The following NCKAP5 variants were observed in gnomAD, a reference collection of about 807,000 sequenced individuals.
The protein encoded by NCKAP5 is NCK associated protein 5, also known as nck-associated protein 5.
Under a neutral mutation model 167.0 loss-of-function variants are expected in NCKAP5, and 92 were observed. The ratio of observed to expected loss-of-function variants is 0.55; its 90% CI spans 0.47 to 0.66. The LOEUF (loss-of-function observed/expected upper bound fraction) is 0.66. NCKAP5 is among the 30% of genes least tolerant of loss of function. The pLI is 0.00. For missense variants in NCKAP5, 2,378 were observed against 2,315.0 expected (o/e 1.03, Z -0.56); for synonymous variants, 891 against 877.4 (o/e 1.02, Z -0.27).
At chr2:133,576,328 A>G in the NCKAP5 span, among the ~76,000 whole-genome samples, 1 of 152,242 alleles carries the variant, frequency 6.6e-6, no homozygotes, top group Non-Finnish European at 1.5e-5. Context: ...TGAAAAATAC[A>G]TGGGGTGTTC....
At chr2:133,530,723 G>C (rs1050891761) in intron 2 of NCKAP5, among the ~76,000 whole-genome samples, 1 of 152,124 alleles carries the variant, frequency 6.6e-6, no homozygotes, top group Non-Finnish European at 1.5e-5. Context: ...ATAGAATGTG[G>C]CAAAAGGGAA....
chr2:133,414,738 T>C (rs1219072082), intron 3 of NCKAP5, among the ~76,000 whole-genome samples: 1 of 152,206 alleles, frequency 6.6e-6, no homozygotes, highest in Non-Finnish European at 1.5e-5. Context: ...AGTGGTGCTT[T>C]CTCTGAATTT....
At chr2:133,652,775 A>G in the NCKAP5 span, among the ~76,000 whole-genome samples, 1 of 152,190 alleles carries the variant, frequency 6.6e-6, no homozygotes, top group African/African-American at 2.4e-5. Flanking sequence ...TAGCAACCTC[A>G]GCCAATTATT....
At chr2:133,074,034 T>C (rs548380211) in intron 6 of NCKAP5, among the ~76,000 whole-genome samples, 1 of 152,284 alleles carries the variant, frequency 6.6e-6, no homozygotes, top group East Asian at 1.9e-4. Flanking sequence ...CAAAGAGCAA[T>C]AGATAACATT....
rs533092843 is a variant in NCKAP5, at chr2:132,672,931, T to C, written c.*358A>G. ...GGAAGGCTCTGGTACTGCAATAGTTTATTGTTATCTCTATCAAGCGGTGCA... is the reference window on the plus strand; with the variant it reads ...GGAAGGCTCTGGTACTGCAATAGTTCATTGTTATCTCTATCAAGCGGTGCA... On this transcript the variant is annotated 3_prime_UTR_variant, in exon 20 of 20. Coordinates refer to ENST00000409261, the MANE Select transcript of NCKAP5 (RefSeq NM_207363.3). The C allele has an allele frequency of 2.1e-6, 2 of 971,400 alleles. No homozygotes were observed. The highest frequency in any genetic ancestry group is 4.7e-5 in the South Asian group (1 of 21,278). The allele number at this position is 971,400 out of a possible 1,614,324, so 60.2% of individuals were successfully genotyped here.
intron 3 of NCKAP5, among the ~76,000 whole-genome samples, chr2:133,487,776 C>A (rs1681043715): frequency 1.3e-5 from 2 of 152,054 alleles, no homozygotes; most frequent in South Asian, 4.1e-4. Context: ...TCTTACCCAC[C>A]CCAGGCTACA....
chr2:133,495,567 T>G (rs1327043066), intron 3 of NCKAP5, among the ~76,000 whole-genome samples: 1 of 152,172 alleles, frequency 6.6e-6, no homozygotes, highest in Non-Finnish European at 1.5e-5. Flanking sequence ...GCTCCTTCAG[T>G]TACTGCAACT....
intron 2 of NCKAP5, among the ~76,000 whole-genome samples, chr2:133,545,544 T>C (rs1686584887): frequency 6.6e-6 from 1 of 152,154 alleles, no homozygotes; most frequent in Non-Finnish European, 1.5e-5. Flanking sequence ...TATCTGCCTG[T>C]GGGCTCTGCC....
intron 3 of NCKAP5, among the ~76,000 whole-genome samples, chr2:133,443,609 C>T (rs1351821804): frequency 2.0e-5 from 3 of 152,140 alleles, no homozygotes; most frequent in Non-Finnish European, 2.9e-5. Flanking sequence ...TGCCCGCAGC[C>T]GTCTCCAGCA....
At chr2:133,016,473 TA>T (rs1355612699) in intron 6 of NCKAP5, among the ~76,000 whole-genome samples, 5 of 152,206 alleles carry the variant, frequency 3.3e-5, no homozygotes, top group Non-Finnish European at 7.4e-5. Context: ...TGTTAAGAAA[TA>T]ATTTCATAGC....
chr2:133,445,539 C>A (rs1449030251), intron 3 of NCKAP5, among the ~76,000 whole-genome samples: 1 of 152,172 alleles, frequency 6.6e-6, no homozygotes, highest in African/African-American at 2.4e-5. Context: ...CTTCCCTTTA[C>A]AGAGCATGTA....
chr2:133,296,548 T>G (rs1679974633), intron 4 of NCKAP5, among the ~76,000 whole-genome samples: 1 of 152,246 alleles, frequency 6.6e-6, no homozygotes, highest in Non-Finnish European at 1.5e-5. Context: ...TCTTTGAAGC[T>G]TTCTATGACA....
chr2:132,878,735 G>A (rs1691515912), intron 9 of NCKAP5, 113 bp downstream of exon 9: 1 of 803,222 alleles, frequency 1.2e-6, no homozygotes, highest in East Asian at 2.5e-5. Flanking sequence ...TTTCTTTGGA[G>A]GAGAAAATGC....
intron 6 of NCKAP5, chr2:133,118,837 T>C (rs1248560586): frequency 1.3e-5 from 2 of 152,132 alleles, no homozygotes; most frequent in Non-Finnish European, 2.9e-5. Flanking sequence ...TGGTGGTCTA[T>C]GTATTTGGAA....
intron 11 of NCKAP5, among the ~76,000 whole-genome samples, chr2:132,859,056 C>T (rs1300175904): frequency 6.6e-6 from 1 of 152,064 alleles, no homozygotes; most frequent in Non-Finnish European, 1.5e-5. Flanking sequence ...AATGCAAGAT[C>T]CCCTATGACA....
chr2:132,869,728 AC>A (rs1419524372), intron 9 of NCKAP5, among the ~76,000 whole-genome samples: 1 of 152,070 alleles, frequency 6.6e-6, no homozygotes, highest in Non-Finnish European at 1.5e-5. Context: ...AAGGGGGCTC[AC>A]CCTTCGTCTT....
In NCKAP5 at chr2:132,808,546, G is replaced by A. The variant is rs144258913; in HGVS notation, c.808-11817C>T. ...CTTCTAGGTTTTCTAGTTTATGTGC[G>A]TAAATGTGTTTACAGCAGCCTTAAT... On this transcript the variant is annotated intron_variant, in intron 11 of 19. Transcript: ENST00000409261. 7.7e-3 allele frequency among the ~76,000 whole-genome samples: 1,170 copies of A among 152,114 alleles called. 14 individuals are homozygous for A. The highest frequency in any genetic ancestry group is 0.027 in the African/African-American group (1,103 of 41,528).
chr2:133,217,604 T>C (rs1429712234), intron 4 of NCKAP5, among the ~76,000 whole-genome samples: 1 of 152,084 alleles, frequency 6.6e-6, no homozygotes, highest in Non-Finnish European at 1.5e-5. Context: ...AGGTGGTCAG[T>C]TGTGGCGTAG....
chr2:133,398,037 G>T (rs1166570067), intron 3 of NCKAP5, among the ~76,000 whole-genome samples: 3 of 152,078 alleles, frequency 2.0e-5, no homozygotes, highest in African/African-American at 7.2e-5. Flanking sequence ...TCTGGGGTGG[G>T]TAGTGAATCT....
Sources: allele counts gnomAD v4.1 joint callset (sites outside exome capture counted in the v4.1 genomes callset), GRCh38; gene constraint gnomAD v4.1.1; transcripts MANE v1.5; gene names NCBI Gene and HGNC (gene_info 2026-07-23, HGNC 2026-07-21).